The following ZNF250 variants were observed in gnomAD, a reference collection of about 807,000 sequenced individuals.
ZNF250 encodes zinc finger protein (clone 647).
In ZNF250, 13 loss-of-function variants were observed where a neutral mutation model predicts 37.1. That is an observed-to-expected ratio of 0.35 (90% confidence interval 0.23 to 0.56). ZNF250 has a LOEUF of 0.56. Ranked by LOEUF, ZNF250 falls within the 20% of genes least tolerant of loss-of-function variation. The pLI, the probability that ZNF250 is intolerant of heterozygous loss-of-function variation, is 0.87. For missense variants in ZNF250, 474 were observed against 697.9 expected, an observed-to-expected ratio of 0.68 and a Z score of 3.61; for synonymous variants, 251 against 265.6, an observed-to-expected ratio of 0.94 and a Z score of 0.54.
chr8:144,880,559 A>T lies in ZNF250; in HGVS notation c.*956T>A, dbSNP rs533359147. 2.2e-6 allele frequency: 1 copy of T among 452,272 alleles called. No individual in the cohort carries two copies. The highest frequency in any genetic ancestry group is 7.0e-5 in the East Asian group (1 of 14,348). The allele number at this position is 452,272 out of a possible 1,614,324, so 28.0% of individuals were successfully genotyped here. On this transcript the variant is annotated 3_prime_UTR_variant, in exon 6 of 6. Transcript: ENST00000417550. Reference sequence around the variant, plus strand: ...CTTTCTGATCTTGAATAAAGTTAAAAGCTCCAGATAAAGGGTTTTCTAGGC... The same window carrying T: ...CTTTCTGATCTTGAATAAAGTTAAATGCTCCAGATAAAGGGTTTTCTAGGC...
Position 144,891,963 on chromosome 8 carries a change from T to G in ZNF250, c.-54-1560A>C, listed in dbSNP as rs963021133. ...TCACTTGAACCCAGGATGTGGAGGT[T>G]GCAGTGAGCTGAGATCATCTCAGCT... is the stretch of plus-strand genomic sequence containing the variant. On this transcript the variant is annotated intron_variant, in intron 1 of 5. Coordinates refer to ENST00000417550, the MANE Select transcript of ZNF250 (RefSeq NM_001109689.4). The surrounding 1 kb of genome is among the most constrained non-coding windows in gnomAD (Gnocchi z 4.0). 1.3e-5 allele frequency among the ~76,000 whole-genome samples: 2 copies of G among 152,156 alleles called. No homozygotes were observed. The highest frequency in any genetic ancestry group is 4.8e-5 in the African/African-American group (2 of 41,418).
chr8:144,881,409 AAAG>A lies in ZNF250; in HGVS notation c.*103_*105del. On this transcript the variant is annotated 3_prime_UTR_variant, in exon 6 of 6. Transcript: ENST00000417550. The stretch of plus-strand genomic sequence containing the variant: ...AGTTATTTTGTGACACTGAATCGCC[AAAG>A]AAAAGCTTCCTATAGAGTTAACAGA... 1.5e-5 allele frequency: 22 copies of A among 1,437,546 alleles called. No individual in the cohort carries two copies. The highest frequency in any genetic ancestry group is 2.0e-5 in the Non-Finnish European group (22 of 1,090,912). 89.0% of individuals were successfully genotyped at this position (1,437,546 alleles called of 1,614,324 possible). A position where few individuals can be genotyped will look rare whatever the true frequency, so the allele number is the denominator to read the frequency against.
rs1380755061 is a variant in ZNF250 at position 144,882,941 on chromosome 8, G to A, written c.347-105C>T. On this transcript the variant is annotated intron_variant, in intron 5 of 5. Transcript: ENST00000417550. The surrounding 1 kb of genome is among the most constrained non-coding windows in gnomAD (Gnocchi z 5.5). ...TGATGAAGGTGCAAAATCCCTCAAT[G>A]CACACGTTGGTGTGAGCTACAGAAG... 6 of 1,258,376 alleles carry A rather than the reference G, an allele frequency of 4.8e-6. No individual in the cohort carries two copies. The highest frequency in any genetic ancestry group is 2.2e-5 in the Admixed American group (1 of 45,588). 78.0% of individuals were successfully genotyped at this position (1,258,376 alleles called of 1,614,324 possible). A position where few individuals can be genotyped will look rare whatever the true frequency, so the allele number is the denominator to read the frequency against.
chr8:144,891,345 G>C lies in ZNF250; in HGVS notation c.-54-942C>G, dbSNP rs1002731118. On this transcript the variant is annotated intron_variant, in intron 1 of 5. Coordinates refer to ENST00000417550, the MANE Select transcript of ZNF250 (RefSeq NM_001109689.4). This position sits in a 1 kb window ranked among gnomAD's most constrained non-coding sequence, Gnocchi z 4.0. ...CTCAGATGGGCACCACAACAAACAG[G>C]GTGCTTTAAGAGTGACAAAATAGGT... is the stretch of plus-strand genomic sequence containing the variant. 1.3e-5 allele frequency among the ~76,000 whole-genome samples: 2 copies of C among 152,066 alleles called. No individual in the cohort carries two copies. The highest frequency in any genetic ancestry group is 2.1e-4 in the South Asian group (1 of 4,822).
chr8:144,883,119 C>T (rs1388148863), intron 5 of ZNF250, among the ~76,000 whole-genome samples: 1 of 152,196 alleles, frequency 6.6e-6, no homozygotes, highest in African/African-American at 2.4e-5. Context: ...GGGAAACAGC[C>T]CAGTGGTGCC....
chr8:144,893,916 T>A (rs890552266), intron 1 of ZNF250, among the ~76,000 whole-genome samples: 59 of 152,294 alleles, frequency 3.9e-4, no homozygotes, highest in African/African-American at 1.4e-3. Flanking sequence ...GGCTGCTGGA[T>A]GATGCTGGCC....
rs773758619 is a variant in ZNF250 at position 144,886,225 on chromosome 8, T to G, written c.346+615A>C. On this transcript the variant is annotated intron_variant, in intron 5 of 5. Coordinates refer to ENST00000417550, the MANE Select transcript of ZNF250 (RefSeq NM_001109689.4). ...GTGGCTCATGCCGGTAATCCCAGCA[T>G]GTTGGGAGGCTGAGGCAGGAGGATT... Among the ~76,000 whole-genome samples the G allele has an allele frequency of 6.6e-5, 10 of 151,128 alleles. No homozygotes were observed. In the East Asian group the frequency reaches 1.6e-3, roughly 24 times the overall value.
At chr8:144,885,196 C>T (rs1299548861) in intron 5 of ZNF250, among the ~76,000 whole-genome samples, 3 of 150,540 alleles carry the variant, frequency 2.0e-5, no homozygotes, top group South Asian at 2.1e-4. Context: ...CTCAGCTCAC[C>T]GCAACCTCTG....
chr8:144,894,512 A>G (rs1013398126), intron 1 of ZNF250, among the ~76,000 whole-genome samples: 1 of 150,232 alleles, frequency 6.7e-6, no homozygotes, highest in African/African-American at 2.5e-5. Context: ...CCCTGGCCTC[A>G]CCCAGCTCTC....
chr8:144,892,338 G>A (rs928763307), intron 1 of ZNF250, among the ~76,000 whole-genome samples: 40 of 152,364 alleles, frequency 2.6e-4, no homozygotes, highest in African/African-American at 8.9e-4. Context: ...AAAGAACAGA[G>A]GGTGGGGACT....
rs1303278184 is a variant in ZNF250, at chr8:144,901,208, G to A, written c.-55+191C>T. On this transcript the variant is annotated intron_variant, in intron 1 of 5. Transcript: ENST00000417550. The surrounding 1 kb of genome is among the most constrained non-coding windows in gnomAD (Gnocchi z 5.4). ...AGGGGAAGGGTGGGAACCCCGAACG[G>A]GGGAGAGGGCGCGGCCTTGGCCCTG... 2.0e-5 allele frequency: 3 copies of A among 152,350 alleles called. No homozygotes were observed. The highest frequency in any genetic ancestry group is 4.4e-5 in the Non-Finnish European group (3 of 68,166). The allele number at this position is 152,350 out of a possible 1,614,324, so 9.4% of individuals were successfully genotyped here. A position where few individuals can be genotyped will look rare whatever the true frequency, so the allele number is the denominator to read the frequency against.
At chr8:144,892,701 T>A (rs1832429203) in intron 1 of ZNF250, among the ~76,000 whole-genome samples, 1 of 147,554 alleles carries the variant, frequency 6.8e-6, no homozygotes, top group Non-Finnish European at 1.5e-5. Flanking sequence ...ATTACAGGCA[T>A]GCGCCACCAT....
chr8:144,900,026 G>A (rs1031603179), intron 1 of ZNF250, among the ~76,000 whole-genome samples: 2 of 152,100 alleles, frequency 1.3e-5, no homozygotes, highest in African/African-American at 4.8e-5. Context: ...CATAATCAGA[G>A]TCAAAAGACA....
chr8:144,878,578 A>G lies in ZNF250; in HGVS notation c.*2937T>C, dbSNP rs186277758. The G allele has an allele frequency of 6.6e-6, 1 of 152,230 alleles. No individual in the cohort carries two copies. Among genetic ancestry groups the G allele is most frequent in the East Asian group, 1.9e-4 (1 of 5,176 alleles). The allele number at this position is 152,230 out of a possible 1,614,324, so 9.4% of individuals were successfully genotyped here. A position where few individuals can be genotyped will look rare whatever the true frequency, so the allele number is the denominator to read the frequency against. On this transcript the variant is annotated 3_prime_UTR_variant, in exon 6 of 6. Coordinates refer to ENST00000417550, the MANE Select transcript of ZNF250 (RefSeq NM_001109689.4). ...CAGCTCCTCCCTTAAGTAACATCTC[A>G]TTGGTATCAGCTTTTCTCTGAAGCA...
intron 1 of ZNF250, among the ~76,000 whole-genome samples, chr8:144,893,957 G>T (rs1832532924): frequency 6.6e-6 from 1 of 152,146 alleles, no homozygotes; most frequent in African/African-American, 2.4e-5. Context: ...GCTAGGCATG[G>T]TTGTCCTGTG....
At position 144,897,578 on chromosome 8, in the gene ZNF250, C is replaced by T. The variant is rs1315599159; in HGVS notation, c.-55+3821G>A. On this transcript the variant is annotated intron_variant, in intron 1 of 5. Coordinates refer to ENST00000417550, the MANE Select transcript of ZNF250 (RefSeq NM_001109689.4). The surrounding 1 kb of genome is among the most constrained non-coding windows in gnomAD (Gnocchi z 5.2). ...CTGAGGTCAGGTGCTGAGACCAGCTCGGTCGGGGAGACCCTAACCCAGCGG... is the reference window on the plus strand; with the variant it reads ...CTGAGGTCAGGTGCTGAGACCAGCTTGGTCGGGGAGACCCTAACCCAGCGG... 5.9e-5 allele frequency among the ~76,000 whole-genome samples: 9 copies of T among 152,038 alleles called. No individual in the cohort carries two copies. In the East Asian group the frequency reaches 1.4e-3, roughly 23 times the overall value.
Position 144,876,990 on chromosome 8 carries a change from T to A in ZNF250, c.*4525A>T, listed in dbSNP as rs939441876. 1.3e-5 allele frequency: 2 copies of A among 152,240 alleles called. No homozygotes were observed. Among genetic ancestry groups the A allele is most frequent in the African/African-American group, 4.8e-5 (2 of 41,464 alleles). The allele number at this position is 152,240 out of a possible 1,614,324, so 9.4% of individuals were successfully genotyped here. On this transcript the variant is annotated 3_prime_UTR_variant, in exon 6 of 6. Coordinates refer to ENST00000417550, the MANE Select transcript of ZNF250 (RefSeq NM_001109689.4). The stretch of plus-strand genomic sequence containing the variant: ...TACTTTTTTATTGGAAAGCGTCAGA[T>A]TATACACAGAAATTCCAGGCAGACT...
chr8:144,888,528 C>T (rs1012694925), intron 4 of ZNF250, among the ~76,000 whole-genome samples: 1 of 143,204 alleles, frequency 7.0e-6, no homozygotes, highest in East Asian at 2.2e-4. Context: ...ACCCAGACGG[C>T]GGAGCTTGCA....
chr8:144,891,450 T>G lies in ZNF250; in HGVS notation c.-54-1047A>C, dbSNP rs923063146. 1.3e-5 allele frequency among the ~76,000 whole-genome samples: 2 copies of G among 152,114 alleles called. No homozygotes were observed. Among genetic ancestry groups the G allele is most frequent in the Non-Finnish European group, 2.9e-5 (2 of 68,008 alleles). ...ATCAGATATAGGTGGGCGCGGTGGC[T>G]CATACCTGTAATCTCAGCACTTTGG... On this transcript the variant is annotated intron_variant, in intron 1 of 5. Transcript: ENST00000417550. This position sits in a 1 kb window ranked among gnomAD's most constrained non-coding sequence, Gnocchi z 4.0.
Sources: gnomAD v4.1 joint callset for allele counts (sites outside exome capture counted in the v4.1 genomes callset) on GRCh38, gnomAD v4.1.1 for gene constraint, Gnocchi (gnomAD v3.1) non-coding constraint, MANE v1.5 for transcripts, NCBI Gene and HGNC (gene_info 2026-07-23, HGNC 2026-07-21) for gene names.